Variants in STPG2 observed in about 807,000 individuals in gnomAD.
STPG2 encodes the protein sperm tail PG-rich repeat containing 2, also known as sperm-tail PG-rich repeat-containing protein 2.
STPG2 carries 56 observed loss-of-function variants against 54.2 expected under a neutral mutation model. That is an observed-to-expected ratio of 1.03 (90% CI 0.83 to 1.29). The LOEUF (loss-of-function observed/expected upper bound fraction) is 1.29, where lower values mean the gene tolerates loss of function less well. STPG2 is among the 50% of genes most tolerant of loss of function. The probability of loss-of-function intolerance (pLI) is 0.00; values close to 1 mark genes in which losing one functional copy is unlikely to be tolerated. For missense variants in STPG2, 596 were observed against 544.9 expected, an observed-to-expected ratio of 1.09 and a Z score of -0.93; for synonymous variants, 200 against 181.8, an observed-to-expected ratio of 1.10 and a Z score of -0.81.
At chr4:97,544,275 T>C (rs1449673451) in intron 4 of STPG2, among the ~76,000 whole-genome samples, 2 of 152,092 alleles carry the variant, frequency 1.3e-5, no homozygotes, top group Non-Finnish European at 2.9e-5. Flanking sequence ...CAGATTCAGA[T>C]AGCGGTGCCA....
At chr4:97,968,941 C>A (rs759258597) in intron 7 of STPG2, among the ~76,000 whole-genome samples, 1 of 152,090 alleles carries the variant, frequency 6.6e-6, no homozygotes, top group East Asian at 1.9e-4. Context: ...TTTCACATCA[C>A]CAAGATTCCT....
chr4:97,585,432 C>A lies in STPG2; in HGVS notation c.1321-26315G>T, dbSNP rs1269679543. ...CTGAGGTAGCATTAGCAAGAAAAAT[C>A]TAACCACAACAAGAAGCCCAACACA... On this transcript the variant is annotated intron_variant, in intron 10 of 10. Transcript: ENST00000295268. 8.6e-5 allele frequency among the ~76,000 whole-genome samples: 13 copies of A among 151,962 alleles called. No homozygotes were observed. In the East Asian group the frequency reaches 1.5e-3, roughly 18 times the overall value.
At chr4:97,909,009 G>GTAT (rs1318164016) in intron 8 of STPG2, among the ~76,000 whole-genome samples, 2 of 105,438 alleles carry the variant, frequency 1.9e-5, no homozygotes, top group African/African-American at 7.7e-5. Context: ...AAAACTTAAA[G>GTAT]TATAATAATA....
chr4:97,455,622 C>T (rs182125616), intron 4 of STPG2, among the ~76,000 whole-genome samples: 7 of 152,304 alleles, frequency 4.6e-5, no homozygotes, highest in South Asian at 2.1e-4. Flanking sequence ...ACTACTTCCA[C>T]GGAATAAAAC....
intron 8 of STPG2, among the ~76,000 whole-genome samples, chr4:97,927,111 C>T (rs1732359266): frequency 6.6e-6 from 1 of 152,064 alleles, no homozygotes; most frequent in Admixed American, 6.5e-5. Context: ...TGCTGTTAAA[C>T]TTTAACCTAG....
chr4:97,483,723 G>T (rs572683709), intron 4 of STPG2, among the ~76,000 whole-genome samples: 1 of 151,754 alleles, frequency 6.6e-6, no homozygotes, highest in African/African-American at 2.4e-5. Flanking sequence ...AAACAAATGG[G>T]CTTAACAGAT....
At chr4:97,528,798 T>C (rs1035584572) in intron 4 of STPG2, among the ~76,000 whole-genome samples, 3 of 152,152 alleles carry the variant, frequency 2.0e-5, no homozygotes, top group Non-Finnish European at 2.9e-5. Flanking sequence ...TGGCTCTCTG[T>C]TTATCTATTA....
intron 10 of STPG2, among the ~76,000 whole-genome samples, chr4:97,636,199 G>T (rs201746822): frequency 1.5e-5 from 2 of 129,524 alleles, no homozygotes; most frequent in Admixed American, 8.0e-5. Context: ...ACTCAAAACC[G>T]CTCAACTACA....
intron 10 of STPG2, among the ~76,000 whole-genome samples, chr4:97,589,617 T>A (rs1180481759): frequency 6.6e-6 from 1 of 151,898 alleles, no homozygotes; most frequent in African/African-American, 2.4e-5. Flanking sequence ...TCCTATTGTC[T>A]TGGTCATAAC....
intron 10 of STPG2, among the ~76,000 whole-genome samples, chr4:97,561,246 C>T (rs897242258): frequency 1.3e-5 from 2 of 152,116 alleles, no homozygotes; most frequent in Admixed American, 1.3e-4. Context: ...GCATAAATGT[C>T]TTCTTTTGAG....
At chr4:97,790,036 A>T (rs1726944467) in intron 9 of STPG2, among the ~76,000 whole-genome samples, 1 of 152,190 alleles carries the variant, frequency 6.6e-6, no homozygotes, top group South Asian at 2.1e-4. Flanking sequence ...AACAAAAAAA[A>T]ATTTACATAA....
intron 4 of STPG2, among the ~76,000 whole-genome samples, chr4:97,519,190 T>C (rs1225832648): frequency 1.3e-5 from 2 of 152,078 alleles, no homozygotes; most frequent in African/African-American, 4.8e-5. Context: ...ATAGAAGAGA[T>C]AGAAAAGTGA....
intron 9 of STPG2, among the ~76,000 whole-genome samples, chr4:97,796,194 CTTTAG>C (rs1302700335): frequency 6.6e-6 from 1 of 152,164 alleles, no homozygotes; most frequent in Non-Finnish European, 1.5e-5. Context: ...TGCAGAAGCT[CTTTAG>C]TTTAATTAGA....
intron 10 of STPG2, among the ~76,000 whole-genome samples, chr4:97,617,226 CATTA>C (rs1272906108): frequency 6.6e-6 from 1 of 151,672 alleles, no homozygotes; most frequent in Non-Finnish European, 1.5e-5. Flanking sequence ...CAATATCTGG[CATTA>C]ATTAAGTGCA....
At chr4:97,542,933 T>C (rs1435278449) in intron 4 of STPG2, among the ~76,000 whole-genome samples, 1 of 151,650 alleles carries the variant, frequency 6.6e-6, no homozygotes, top group Non-Finnish European at 1.5e-5. Flanking sequence ...ATGAGAACAC[T>C]TGGACACAGG....
intron 5 of STPG2, among the ~76,000 whole-genome samples, chr4:97,989,527 T>C (rs971674574): frequency 2.0e-5 from 3 of 152,090 alleles, no homozygotes; most frequent in Non-Finnish European, 2.9e-5. Context: ...AATAGAACAA[T>C]TATAATAAAT....
chr4:98,085,238 C>G (rs376601868), intron 5 of STPG2, among the ~76,000 whole-genome samples: 14 of 152,146 alleles, frequency 9.2e-5, no homozygotes, highest in African/African-American at 3.1e-4. Flanking sequence ...TGTCAAAAAT[C>G]AGTTAACCTG....
chr4:98,142,733 A>T (rs998618078), intron 1 of STPG2, among the ~76,000 whole-genome samples: 11 of 148,838 alleles, frequency 7.4e-5, no homozygotes, highest in African/African-American at 2.7e-4. Flanking sequence ...AGACTCATAT[A>T]TTATGTCAAC....
chr4:97,650,737 G>A (rs1357631579), intron 10 of STPG2, among the ~76,000 whole-genome samples: 1 of 152,122 alleles, frequency 6.6e-6, no homozygotes, highest in Non-Finnish European at 1.5e-5. Context: ...GGAGGGCCTA[G>A]AAGAATAAGA....
Sources: gnomAD v4.1 joint callset for allele counts (sites outside exome capture counted in the v4.1 genomes callset) on GRCh38, gnomAD v4.1.1 for gene constraint, MANE v1.5 for transcripts, NCBI Gene and HGNC (gene_info 2026-07-23, HGNC 2026-07-21) for gene names.